KLHL29: variants seen among roughly 807,000 people sequenced by gnomAD.
KLHL29 encodes kelch like family member 29, also known as kelch-like protein 29.
In KLHL29, 21 loss-of-function variants were observed where a neutral mutation model predicts 80.4. The ratio of observed to expected loss-of-function variants is 0.26; its 90% confidence interval spans 0.19 to 0.38. The LOEUF is 0.38. KLHL29 is among the 10% of genes least tolerant of loss of function. The pLI is 1.00. For missense variants in KLHL29, 867 were observed against 1,223.9 expected (o/e 0.71, Z 4.35); for synonymous variants, 511 against 526.8 (o/e 0.97, Z 0.41).
chr2:23,573,795 G>C (rs949122335), intron 3 of KLHL29, among the ~76,000 whole-genome samples: 3 of 152,212 alleles, frequency 2.0e-5, no homozygotes, highest in East Asian at 1.9e-4. Context: ...CATGATGCTT[G>C]GGGACCGTTG....
chr2:23,427,341 A>G (rs1663031626), intron 1 of KLHL29, among the ~76,000 whole-genome samples: 1 of 152,242 alleles, frequency 6.6e-6, no homozygotes, highest in African/African-American at 2.4e-5. Flanking sequence ...CTTTTACTGA[A>G]TGACTTCTTT....
chr2:23,440,764 C>G (rs1308167856), intron 1 of KLHL29, among the ~76,000 whole-genome samples: 2 of 152,024 alleles, frequency 1.3e-5, no homozygotes, highest in African/African-American at 4.8e-5. Flanking sequence ...AAATGCAAAT[C>G]AAAACCACAA....
intron 1 of KLHL29, among the ~76,000 whole-genome samples, chr2:23,440,256 G>A (rs2103414312): frequency 6.6e-6 from 1 of 152,138 alleles, no homozygotes; most frequent in East Asian, 1.9e-4. Flanking sequence ...AAATGGTGCT[G>A]GGAAAACTGG....
intron 1 of KLHL29, among the ~76,000 whole-genome samples, chr2:23,393,873 G>T (rs1321194960): frequency 6.6e-6 from 1 of 152,166 alleles, no homozygotes; most frequent in East Asian, 1.9e-4. Context: ...CACTGGCACG[G>T]TCACTCCTGT....
intron 1 of KLHL29, among the ~76,000 whole-genome samples, chr2:23,474,910 A>G (rs1410648940): frequency 6.6e-6 from 1 of 151,876 alleles, no homozygotes; most frequent in Non-Finnish European, 1.5e-5. Flanking sequence ...CGTTGTGAAG[A>G]TGGCTTTCTC....
At chr2:23,650,929 G>A (rs1389105279) in intron 5 of KLHL29, among the ~76,000 whole-genome samples, 4 of 152,138 alleles carry the variant, frequency 2.6e-5, no homozygotes, top group Non-Finnish European at 5.9e-5. Context: ...GGAGAGGGAA[G>A]GACATCATGG....
intron 2 of KLHL29, among the ~76,000 whole-genome samples, chr2:23,516,586 A>G (rs1297920103): frequency 2.0e-5 from 3 of 152,212 alleles, no homozygotes; most frequent in African/African-American, 7.2e-5. Flanking sequence ...TCTGGGGTCT[A>G]GCCAGGTAGC....
chr2:23,546,490 A>T (rs1666982625), intron 2 of KLHL29, among the ~76,000 whole-genome samples: 1 of 152,124 alleles, frequency 6.6e-6, no homozygotes, highest in Non-Finnish European at 1.5e-5. Flanking sequence ...GTGAGGCCCC[A>T]GGCTGTGCAT....
intron 2 of KLHL29, among the ~76,000 whole-genome samples, chr2:23,537,417 TACACACACACACACACAC>T (rs5741924): frequency 8.0e-5 from 12 of 149,156 alleles, no homozygotes; most frequent in South Asian, 2.2e-4. Context: ...GGGCAGAAAC[TACACACACACACACACAC>T]ACACACACAC....
Position 23,684,112 on chromosome 2 carries a change from T to C in KLHL29, c.941-287T>C, listed in dbSNP as rs978387964. ...TTCCAATCGTCAGTATGGGAATCTC[T>C]CCCCCAACCTTTCAATTTCTGGGTT... On this transcript the variant is annotated intron_variant, in intron 5 of 13. Coordinates refer to ENST00000486442, the MANE Select transcript of KLHL29 (RefSeq NM_052920.2). This position sits in a 1 kb window ranked among gnomAD's most constrained non-coding sequence, Gnocchi z 4.4. Among the ~76,000 whole-genome samples, 4 of 152,182 alleles carry C rather than the reference T, an allele frequency of 2.6e-5. No individual in the cohort carries two copies. The highest frequency in any genetic ancestry group is 9.7e-5 in the African/African-American group (4 of 41,426).
chr2:23,642,613 G>A lies in KLHL29; in HGVS notation c.703G>A (p.Val235Met), dbSNP rs565467510. Residue 235 changes from valine (V) to methionine (M), a missense_variant, in exon 5 of 14, where the codon GTG becomes ATG. Coordinates refer to ENST00000486442, the MANE Select transcript of KLHL29 (RefSeq NM_052920.2). ...ALYASPQPLA[V>M]STLPGVGQVA... is the part of the protein sequence containing the mutation. ...GTATGCCAGCCCTCAGCCCCTGGCC[G>A]TGTCCACACTGCCCGGTGTGGGGCA... The A allele has an allele frequency of 3.6e-5, 56 of 1,549,692 alleles. No homozygotes were observed. Among genetic ancestry groups the A allele is most frequent in the African/African-American group, 3.0e-4 (22 of 73,034 alleles).
chr2:23,432,507 C>A (rs560158730), intron 1 of KLHL29, among the ~76,000 whole-genome samples: 1 of 152,340 alleles, frequency 6.6e-6, no homozygotes, highest in Admixed American at 6.5e-5. Context: ...GAGACAAGGT[C>A]CCTGTCCTTG....
At chr2:23,454,581 G>A (rs1663985153) in intron 1 of KLHL29, among the ~76,000 whole-genome samples, 1 of 152,112 alleles carries the variant, frequency 6.6e-6, no homozygotes, top group African/African-American at 2.4e-5. Flanking sequence ...ACAAGATGAA[G>A]ATTATACATT....
chr2:23,598,212 T>C (rs1236650550), intron 3 of KLHL29, among the ~76,000 whole-genome samples: 1 of 152,208 alleles, frequency 6.6e-6, no homozygotes, highest in Non-Finnish European at 1.5e-5. Context: ...GCACATATTT[T>C]GCATCAAATC....
chr2:23,707,815 A>C lies in KLHL29; in HGVS notation c.*1151A>C, dbSNP rs1013526703. On this transcript the variant is annotated 3_prime_UTR_variant, in exon 14 of 14. Coordinates refer to ENST00000486442, the MANE Select transcript of KLHL29 (RefSeq NM_052920.2). The stretch of plus-strand genomic sequence containing the variant: ...AGGATGGGGACAGCCTTCTTAGTGG[A>C]GCCATGGCAGCAAGGCCTGAGGGCA... The C allele has an allele frequency of 2.0e-5, 3 of 152,308 alleles. No individual in the cohort carries two copies. Among genetic ancestry groups the C allele is most frequent in the African/African-American group, 7.2e-5 (3 of 41,452 alleles). The allele number at this position is 152,308 out of a possible 1,614,324, so 9.4% of individuals were successfully genotyped here.
intron 3 of KLHL29, among the ~76,000 whole-genome samples, chr2:23,615,593 A>C (rs896632783): frequency 6.6e-6 from 1 of 152,118 alleles, no homozygotes; most frequent in African/African-American, 2.4e-5. Flanking sequence ...GAGCACCTGC[A>C]CTGGTGCTCT....
At chr2:23,637,266 G>A (rs1017987215) in intron 3 of KLHL29, among the ~76,000 whole-genome samples, 1 of 152,188 alleles carries the variant, frequency 6.6e-6, no homozygotes, top group Non-Finnish European at 1.5e-5. Context: ...GAAATACAGC[G>A]AAGGCTGTGG....
rs1368473624 is a variant in KLHL29, at chr2:23,596,294, C to T, written c.285+33813C>T. On this transcript the variant is annotated intron_variant, in intron 3 of 13. Transcript: ENST00000486442. This position sits in a 1 kb window ranked among gnomAD's most constrained non-coding sequence, Gnocchi z 4.4. ...GATTAAAAATGTAGTGGATTTAAATCATGCCCACCTCATTTTGCAAGGGTT... is the reference window on the plus strand; with the variant it reads ...GATTAAAAATGTAGTGGATTTAAATTATGCCCACCTCATTTTGCAAGGGTT... Among the ~76,000 whole-genome samples, 1 of 152,164 alleles carries T rather than the reference C, an allele frequency of 6.6e-6. No individual in the cohort carries two copies. Among genetic ancestry groups the T allele is most frequent in the Non-Finnish European group, 1.5e-5 (1 of 68,032 alleles).
At chr2:23,535,301 C>A (rs1367620541) in intron 2 of KLHL29, among the ~76,000 whole-genome samples, 2 of 152,206 alleles carry the variant, frequency 1.3e-5, no homozygotes, top group African/African-American at 4.8e-5. Context: ...ACACAGGTGC[C>A]TCGCCACCCT....
Sources: allele counts gnomAD v4.1 joint callset (sites outside exome capture counted in the v4.1 genomes callset), GRCh38; gene constraint gnomAD v4.1.1; non-coding constraint Gnocchi (gnomAD v3.1); transcripts MANE v1.5; gene names NCBI Gene and HGNC (gene_info 2026-07-23, HGNC 2026-07-21).